Variants in ADAMTSL1 observed in about 807,000 individuals in gnomAD.
ADAMTSL1 encodes ADAMTS-like protein 1.
ADAMTSL1 carries 126 observed loss-of-function variants against 201.8 expected under a neutral mutation model. The observed-to-expected ratio is 0.62, with a 90% CI of 0.54 to 0.72. ADAMTSL1 has a LOEUF of 0.72. ADAMTSL1 is among the 30% of genes least tolerant of loss of function. ADAMTSL1 has a pLI of 0.00. For synonymous variants in ADAMTSL1, 1,121 were observed against 903.4 expected, an observed-to-expected ratio of 1.24 and a Z score of -4.32; for missense variants, 2,679 against 2,277.8, an observed-to-expected ratio of 1.18 and a Z score of -3.59.
intron 9 of ADAMTSL1, among the ~76,000 whole-genome samples, chr9:18,671,194 G>A (rs1045816897): frequency 2.6e-5 from 4 of 152,202 alleles, no homozygotes; most frequent in Admixed American, 2.6e-4. Flanking sequence ...ACAGTTAAAA[G>A]TGAGGAGAGG....
At position 18,109,189 on chromosome 9, in the gene ADAMTSL1, T is replaced by A. The variant is rs538592209; in HGVS notation, c.88-54673T>A. On this transcript the variant is annotated intron_variant, in intron 1 of 29. Transcript: ENST00000680146. Reference sequence around the variant, plus strand: ...TTGGAGGAAATAAATTCTAATAATCTTTCCTCCTTTACATTCATATCTGGC... The same window carrying A: ...TTGGAGGAAATAAATTCTAATAATCATTCCTCCTTTACATTCATATCTGGC... Among the ~76,000 whole-genome samples the A allele has an allele frequency of 4.6e-5, 7 of 152,318 alleles. No individual in the cohort carries two copies. In the South Asian group the frequency reaches 1.2e-3, roughly 27 times the overall value.
chr9:18,065,036 C>T (rs956072532), intron 1 of ADAMTSL1, among the ~76,000 whole-genome samples: 6 of 123,594 alleles, frequency 4.9e-5, no homozygotes, highest in African/African-American at 1.2e-4. Flanking sequence ...TGAAAAGATA[C>T]GGATTTTTAT....
chr9:18,347,559 T>A (rs13286935), intron 2 of ADAMTSL1, among the ~76,000 whole-genome samples: 1 of 152,270 alleles, frequency 6.6e-6, no homozygotes, highest in Non-Finnish European at 1.5e-5. Context: ...ATAGTTAGAA[T>A]GTTTCAGAAT....
At chr9:18,143,453 C>T (rs1448600679) in intron 1 of ADAMTSL1, among the ~76,000 whole-genome samples, 1 of 152,260 alleles carries the variant, frequency 6.6e-6, no homozygotes, top group Admixed American at 6.5e-5. Flanking sequence ...GGCTGTGGAG[C>T]AGGACAATGT....
At chr9:18,830,350 A>G (rs1328869794) in intron 23 of ADAMTSL1, among the ~76,000 whole-genome samples, 1 of 152,180 alleles carries the variant, frequency 6.6e-6, no homozygotes, top group Non-Finnish European at 1.5e-5. Context: ...GTACTCCTCC[A>G]TGATCCCCTG....
intron 2 of ADAMTSL1, among the ~76,000 whole-genome samples, chr9:18,316,127 G>T (rs542986187): frequency 1.3e-5 from 2 of 152,130 alleles, no homozygotes; most frequent in Admixed American, 6.5e-5. Flanking sequence ...GGGAATGTGC[G>T]AATAGGTGTG....
chr9:18,446,120 T>C (rs1219022044), intron 2 of ADAMTSL1, among the ~76,000 whole-genome samples: 2 of 152,090 alleles, frequency 1.3e-5, no homozygotes, highest in Admixed American at 6.6e-5. Context: ...AGCTCAATTG[T>C]GCGATTACCT....
rs755856772 is a variant in ADAMTSL1, at chr9:18,504,976, G to T, written c.191+20G>T. On this transcript the variant is annotated intron_variant, in intron 2 of 28. Transcript: ENST00000380548. Reference sequence around the variant, plus strand: ...CAGCAAGTAAGTCCTGCACCCGTTGGGGGTCTTTGTGAGAACCAGAGGTAG... The same window carrying T: ...CAGCAAGTAAGTCCTGCACCCGTTGTGGGTCTTTGTGAGAACCAGAGGTAG... 5 of 1,593,336 alleles carry T rather than the reference G, an allele frequency of 3.1e-6. No individual in the cohort carries two copies. The highest frequency in any genetic ancestry group is 3.6e-5 in the Admixed American group (2 of 55,546).
intron 2 of ADAMTSL1, among the ~76,000 whole-genome samples, chr9:18,405,957 A>C (rs1224210119): frequency 2.6e-5 from 4 of 152,240 alleles, no homozygotes; most frequent in African/African-American, 4.8e-5. Flanking sequence ...TAAGTTACCC[A>C]CATAATTTAT....
chr9:18,869,570 G>C (rs970638184), intron 23 of ADAMTSL1, among the ~76,000 whole-genome samples: 2 of 152,214 alleles, frequency 1.3e-5, no homozygotes, highest in African/African-American at 4.8e-5. Flanking sequence ...CATTTTTAAA[G>C]GAGGGTTTAT....
At chr9:18,287,603 A>ATGTATGTGTGTATAAGTATATATGTG (rs1164532021) in intron 2 of ADAMTSL1, among the ~76,000 whole-genome samples, 4 of 73,838 alleles carry the variant, frequency 5.4e-5, no homozygotes, top group East Asian at 4.8e-4. Flanking sequence ...ACACACATAT[A>ATGTATGTGTGTATAAGTATATATGTG]TGCATATATG....
intron 2 of ADAMTSL1, among the ~76,000 whole-genome samples, chr9:18,515,783 T>C (rs896559221): frequency 3.9e-5 from 6 of 152,212 alleles, no homozygotes; most frequent in African/African-American, 1.2e-4. Flanking sequence ...TTCTGGTACA[T>C]ACACAGTTGT....
chr9:18,745,939 C>G (rs554380637), intron 15 of ADAMTSL1, among the ~76,000 whole-genome samples: 2 of 152,162 alleles, frequency 1.3e-5, no homozygotes, highest in African/African-American at 4.8e-5. Context: ...AGGACCACTC[C>G]CCACCAAACC....
At chr9:18,811,031 AAAAAC>A (rs1437428205) in intron 20 of ADAMTSL1, among the ~76,000 whole-genome samples, 5 of 147,940 alleles carry the variant, frequency 3.4e-5, no homozygotes, top group African/African-American at 1.0e-4. Flanking sequence ...AAAAAAAAAA[AAAAAC>A]AAACACCAGC....
intron 4 of ADAMTSL1, among the ~76,000 whole-genome samples, chr9:18,584,899 G>A (rs930898969): frequency 3.9e-5 from 6 of 152,138 alleles, no homozygotes; most frequent in African/African-American, 1.4e-4. Context: ...CCAGAATTGT[G>A]AGGAAATAAA....
intron 1 of ADAMTSL1, among the ~76,000 whole-genome samples, chr9:18,081,823 T>C (rs1218505949): frequency 1.3e-5 from 2 of 152,192 alleles, no homozygotes; most frequent in Non-Finnish European, 2.9e-5. Flanking sequence ...TCTGCATTGT[T>C]TTAAACAATT....
At chr9:18,868,361 A>G (rs891068596) in intron 23 of ADAMTSL1, among the ~76,000 whole-genome samples, 15 of 152,168 alleles carry the variant, frequency 9.9e-5, no homozygotes, top group African/African-American at 3.6e-4. Flanking sequence ...TTGTCGAGTA[A>G]TATTTGGCTA....
intron 1 of ADAMTSL1, among the ~76,000 whole-genome samples, chr9:18,127,888 C>T (rs1825804271): frequency 6.6e-6 from 1 of 152,094 alleles, no homozygotes; most frequent in African/African-American, 2.4e-5. Flanking sequence ...ATATGTTTGT[C>T]TCATGTTTCT....
rs941676487 is a variant in ADAMTSL1 at position 18,871,969 on chromosome 9, T to C, written c.4250-15862T>C. ...ATTCTGGCCTTCAAGGCCCTCTCCA[T>C]TACAACTCCTACCCACAATGCTGGC... On this transcript the variant is annotated intron_variant, in intron 23 of 28. Transcript: ENST00000380548. 3.3e-5 allele frequency among the ~76,000 whole-genome samples: 5 copies of C among 152,264 alleles called. 1 individual carries two copies. The highest frequency in any genetic ancestry group is 2.6e-4 in the Admixed American group (4 of 15,284).
Sources: allele counts gnomAD v4.1 joint callset (sites outside exome capture counted in the v4.1 genomes callset), GRCh38; gene constraint gnomAD v4.1.1; transcripts MANE v1.5; gene names NCBI Gene and HGNC (gene_info 2026-07-23, HGNC 2026-07-21).